MINDY2: variants seen among roughly 807,000 people sequenced by gnomAD.
The protein encoded by MINDY2 is ubiquitin carboxyl-terminal hydrolase MINDY-2.
In MINDY2, 52 loss-of-function variants were observed where a neutral mutation model predicts 68.2. The ratio of observed to expected loss-of-function variants is 0.76; its 90% CI spans 0.61 to 0.96. The LOEUF is 0.96. Ranked by LOEUF, MINDY2 falls within the 40% of genes least tolerant of loss-of-function variation. MINDY2 has a pLI of 0.00. For synonymous variants in MINDY2, 372 were observed against 303.0 expected, an observed-to-expected ratio of 1.23 and a Z score of -2.36; for missense variants, 881 against 773.4, an observed-to-expected ratio of 1.14 and a Z score of -1.65.
In MINDY2 at chr15:58,771,706, G is replaced by A. The variant is rs182620597; in HGVS notation, c.311G>A (p.Gly104Glu). 5.6e-4 allele frequency: 899 copies of A among 1,612,330 alleles called. 3 individuals carry two copies. In the Middle Eastern group the frequency reaches 6.9e-3, roughly 12 times the overall value. ...SPAAAEAPLRGQYKVTASPET... is the reference protein window; with the variant it reads ...SPAAAEAPLREQYKVTASPET... ...GCTGCCGCCGAGGCGCCTCTGAGAG[G>A]GCAGTACAAGGTGACCGCCTCCCCG... The change falls in exon 1 of 9, where the codon GGG becomes GAG. Residue 104 changes from glycine (G) to glutamate (E), a missense_variant. Gly to Glu is a moderately conservative substitution (Grantham distance 98). Coordinates refer to ENST00000559228, the MANE Select transcript of MINDY2 (RefSeq NM_001040450.3).
rs59075081 is a variant in MINDY2 at position 58,800,834 on chromosome 15, CAAA to C, written c.899-1462_899-1460del. Among the ~76,000 whole-genome samples, 126 of 109,192 alleles carry C rather than the reference CAAA, an allele frequency of 1.2e-3. 1 individual carries two copies. The highest frequency in any genetic ancestry group is 1.6e-3 in the East Asian group (6 of 3,676). The allele number at this position is 109,192 out of a possible 152,430, so 71.6% of individuals were successfully genotyped here. On this transcript the variant is annotated intron_variant, in intron 2 of 8. Coordinates refer to ENST00000559228, the MANE Select transcript of MINDY2 (RefSeq NM_001040450.3). ...TGGGCAACAGAGTAAGACTCTGTCT[CAAA>C]AAAAAAAAAAAAAAAAGTCTTCTAA...
chr15:58,854,738 G>T lies in MINDY2; in HGVS notation c.*128G>T, dbSNP rs1369053619. 9.0e-7 allele frequency: 1 copy of T among 1,109,550 alleles called. No homozygotes were observed. Among genetic ancestry groups the T allele is most frequent in the African/African-American group, 1.6e-5 (1 of 63,748 alleles). The allele number at this position is 1,109,550 out of a possible 1,614,324, so 68.7% of individuals were successfully genotyped here. A position where few individuals can be genotyped will look rare whatever the true frequency, so the allele number is the denominator to read the frequency against. On this transcript the variant is annotated 3_prime_UTR_variant, in exon 9 of 9. Transcript: ENST00000559228. Reference sequence around the variant, plus strand: ...ATGGATTTTGTTCGTTTTTTCAGGGGAACGGTTGTTACTTAGTTACAATCA... The same window carrying T: ...ATGGATTTTGTTCGTTTTTTCAGGGTAACGGTTGTTACTTAGTTACAATCA...
intron 1 of MINDY2, among the ~76,000 whole-genome samples, chr15:58,787,601 G>A (rs2140918148): frequency 6.6e-6 from 1 of 152,050 alleles, no homozygotes; most frequent in Admixed American, 6.6e-5. Flanking sequence ...GCCAGGTGTG[G>A]TGGTGGGTGC....
intron 1 of MINDY2, among the ~76,000 whole-genome samples, chr15:58,779,896 C>G (rs1269517306): frequency 6.6e-6 from 1 of 152,148 alleles, no homozygotes; most frequent in Non-Finnish European, 1.5e-5. Flanking sequence ...TCTCACTCCC[C>G]ATTCAACCTT....
chr15:58,784,128 C>A (rs1595705227), intron 1 of MINDY2, among the ~76,000 whole-genome samples: 1 of 151,960 alleles, frequency 6.6e-6, no homozygotes, highest in South Asian at 2.1e-4. Context: ...GAGTTCAAGA[C>A]CAGCTTGGGC....
chr15:58,778,172 A>G (rs954229991), intron 1 of MINDY2, among the ~76,000 whole-genome samples: 61 of 152,192 alleles, frequency 4.0e-4, no homozygotes, highest in African/African-American at 1.3e-3. Flanking sequence ...GCCAACATAC[A>G]TACAAAAAAC....
chr15:58,811,327 T>G (rs780268244), intron 4 of MINDY2, among the ~76,000 whole-genome samples: 5 of 152,238 alleles, frequency 3.3e-5, no homozygotes, highest in Non-Finnish European at 7.3e-5. Context: ...GGTATATTAG[T>G]CTAGCAATCC....
chr15:58,824,834 T>C (rs2031293782), intron 5 of MINDY2, among the ~76,000 whole-genome samples: 1 of 152,022 alleles, frequency 6.6e-6, no homozygotes, highest in South Asian at 2.1e-4. Context: ...CATGCCCGAC[T>C]AATTTTTGTA....
chr15:58,830,990 GA>G (rs1361301208), intron 5 of MINDY2, among the ~76,000 whole-genome samples: 2 of 147,576 alleles, frequency 1.4e-5, no homozygotes, highest in African/African-American at 2.6e-5. Flanking sequence ...TTGCAATGAG[GA>G]TCGATTGTGT....
chr15:58,818,114 G>A (rs1331987505), intron 4 of MINDY2, among the ~76,000 whole-genome samples: 3 of 152,124 alleles, frequency 2.0e-5, no homozygotes, highest in Non-Finnish European at 4.4e-5. Context: ...TGTATTTGTT[G>A]ATTTGGTTTA....
chr15:58,840,632 T>G (rs1322285056), intron 6 of MINDY2, among the ~76,000 whole-genome samples: 1 of 38,078 alleles, frequency 2.6e-5, no homozygotes, highest in Non-Finnish European at 4.5e-5. Context: ...TATTTACTTA[T>G]TATTATTATT....
At chr15:58,811,974 A>G (rs147318346) in intron 4 of MINDY2, among the ~76,000 whole-genome samples, 1 of 152,344 alleles carries the variant, frequency 6.6e-6, no homozygotes, top group East Asian at 1.9e-4. Context: ...TTCAAATTTC[A>G]AAATAATATT....
intron 3 of MINDY2, among the ~76,000 whole-genome samples, chr15:58,804,582 C>A (rs529248069): frequency 1.1e-4 from 17 of 152,074 alleles, no homozygotes; most frequent in African/African-American, 4.1e-4. Context: ...CCAAAGCAGG[C>A]GGATTGCTTG....
At chr15:58,835,667 T>A (rs1283912560) in intron 6 of MINDY2, among the ~76,000 whole-genome samples, 1 of 152,044 alleles carries the variant, frequency 6.6e-6, no homozygotes, top group Non-Finnish European at 1.5e-5. Context: ...AATTAATTAA[T>A]TCATTAAATA....
At position 58,861,804 on chromosome 15, in the gene MINDY2, G is replaced by A. The variant is rs2033225330; in HGVS notation, c.*7194G>A. On this transcript the variant is annotated 3_prime_UTR_variant, in exon 9 of 9. Transcript: ENST00000559228. ...TTGGGTTAAAATGTTGGCTGTTTTTGTTAATATACTTAAAACTGTAACCAG... is the reference window on the plus strand; with the variant it reads ...TTGGGTTAAAATGTTGGCTGTTTTTATTAATATACTTAAAACTGTAACCAG... The A allele has an allele frequency of 6.6e-6, 1 of 152,126 alleles. No homozygotes were observed. Among genetic ancestry groups the A allele is most frequent in the African/African-American group, 2.4e-5 (1 of 41,418 alleles). 9.4% of individuals were successfully genotyped at this position (152,126 alleles called of 1,614,324 possible).
At chr15:58,773,193 G>A (rs1900556229) in intron 1 of MINDY2, among the ~76,000 whole-genome samples, 1 of 151,884 alleles carries the variant, frequency 6.6e-6, no homozygotes, top group Non-Finnish European at 1.5e-5. Context: ...CAGCTACTCC[G>A]TAAGCTCAGC....
At chr15:58,789,771 C>T (rs555361801) in intron 2 of MINDY2, among the ~76,000 whole-genome samples, 2 of 152,248 alleles carry the variant, frequency 1.3e-5, no homozygotes, top group East Asian at 3.9e-4. Context: ...CCTCAGCCTC[C>T]CGAGTAGCTG....
chr15:58,822,665 G>A lies in MINDY2; in HGVS notation c.1225+846G>A, dbSNP rs571620020. Among the ~76,000 whole-genome samples, 4 of 152,234 alleles carry A rather than the reference G, an allele frequency of 2.6e-5. No homozygotes were observed. The East Asian group carries it at 7.7e-4, about 29-fold the overall frequency. On this transcript the variant is annotated intron_variant, in intron 5 of 8. Transcript: ENST00000559228. Reference sequence around the variant, plus strand: ...TCCTAAATTCATCGTCACAAAATCAGTTTAATATTTTTTCAACTGTGTTCC... The same window carrying A: ...TCCTAAATTCATCGTCACAAAATCAATTTAATATTTTTTCAACTGTGTTCC...
Position 58,858,782 on chromosome 15 carries a change from GATAAA to G in MINDY2, c.*4177_*4181del, listed in dbSNP as rs1263310263. The G allele has an allele frequency of 2.6e-5, 4 of 152,186 alleles. No homozygotes were observed. The highest frequency in any genetic ancestry group is 4.1e-4 in the South Asian group (2 of 4,828). The allele number at this position is 152,186 out of a possible 1,614,324, so 9.4% of individuals were successfully genotyped here. ...TATAATAGTAAAATTACTAATGTTT[GATAAA>G]ATAAGATGGAGGCATTACAAATAGT... On this transcript the variant is annotated 3_prime_UTR_variant, in exon 9 of 9. Coordinates refer to ENST00000559228, the MANE Select transcript of MINDY2 (RefSeq NM_001040450.3).
Sources: allele counts gnomAD v4.1 joint callset (sites outside exome capture counted in the v4.1 genomes callset), GRCh38; gene constraint gnomAD v4.1.1; transcripts MANE v1.5; gene names NCBI Gene and HGNC (gene_info 2026-07-23, HGNC 2026-07-21).